ANKFY1: variants seen among roughly 807,000 people sequenced by gnomAD.
ANKFY1 encodes the protein ankyrin repeat and FYVE domain-containing protein 1.
Under a neutral mutation model 128.3 loss-of-function variants are expected in ANKFY1, and 47 were observed. That is an observed-to-expected ratio of 0.37 (90% confidence interval 0.29 to 0.47). ANKFY1 has a LOEUF of 0.47. Ranked by LOEUF, ANKFY1 falls within the 20% of genes least tolerant of loss-of-function variation. ANKFY1 has a pLI of 1.00. For missense variants in ANKFY1, 1,222 were observed against 1,510.6 expected (o/e 0.81, Z 3.17); for synonymous variants, 553 against 601.6 (o/e 0.92, Z 1.18).
rs895338421 is a variant in ANKFY1, at chr17:4,167,828, C to T, written c.3461G>A (p.Arg1154Gln). 5 of 1,613,800 alleles carry T rather than the reference C, an allele frequency of 3.1e-6. No individual in the cohort carries two copies. The highest frequency in any genetic ancestry group is 3.4e-6 in the Non-Finnish European group (4 of 1,179,900). ...IIKFDLNKPV[R>Q]VCNICFDVLT... ...TACATCAAAACAAATGTTGCAAACC[C>T]GCACAGGCTTGTTCAGATCAAACTT... The change falls in exon 25 of 25, where the codon CGG (arginine) becomes CAG (glutamine). Residue 1154 changes from arginine to glutamine, a missense_variant. Arg to Gln is a conservative substitution (Grantham distance 43, BLOSUM62 1). Coordinates refer to ENST00000341657, the MANE Select transcript of ANKFY1 (RefSeq NM_001330063.2). This position sits in a 1 kb window ranked among gnomAD's most constrained non-coding sequence, Gnocchi z 4.1.
At chr17:4,179,961 C>T in intron 16 of ANKFY1, 84 bp from the exon 17 acceptor site, 1 of 1,538,946 alleles carries the variant, frequency 6.5e-7, no homozygotes, top group Non-Finnish European at 8.8e-7. Context: ...AAGCAGGAGC[C>T]TCATCCAATC....
At chr17:4,174,671 C>A (rs1220973216) in intron 19 of ANKFY1, among the ~76,000 whole-genome samples, 1 of 152,062 alleles carries the variant, frequency 6.6e-6, no homozygotes, top group Non-Finnish European at 1.5e-5. Context: ...GTTTCACATC[C>A]TTACATGCTT....
chr17:4,186,900 T>C (rs2059621984), intron 11 of ANKFY1: 1 of 1,082,736 alleles, frequency 9.2e-7, no homozygotes. Context: ...CTACCTTAAA[T>C]GTGTAGAAAT....
At chr17:4,201,350 C>T (rs1293539233) in intron 7 of ANKFY1, among the ~76,000 whole-genome samples, 1 of 152,156 alleles carries the variant, frequency 6.6e-6, no homozygotes, top group Non-Finnish European at 1.5e-5. Context: ...TCTTTTTCAA[C>T]ACTTCCCATC....
chr17:4,169,075 G>T lies in ANKFY1; in HGVS notation c.3377+123C>A. The T allele has an allele frequency of 1.2e-6, 1 of 821,164 alleles. No individual in the cohort carries two copies. Among genetic ancestry groups the T allele is most frequent in the Non-Finnish European group, 2.0e-6 (1 of 505,044 alleles). The allele number at this position is 821,164 out of a possible 1,614,324, so 50.9% of individuals were successfully genotyped here. A position where few individuals can be genotyped will look rare whatever the true frequency, so the allele number is the denominator to read the frequency against. On this transcript the variant is annotated intron_variant, in intron 24 of 24. Coordinates refer to ENST00000341657, the MANE Select transcript of ANKFY1 (RefSeq NM_001330063.2). The surrounding 1 kb of genome is among the most constrained non-coding windows in gnomAD (Gnocchi z 5.0). ...GTGTGCTCATCTCATCCCTCCATTT[G>T]GTCAAGGTTTGCCCATCAATGTGCA...
rs750911697 is a variant in ANKFY1, at chr17:4,173,424, G to A, written c.2944C>T (p.His982Tyr). 2 of 1,614,170 alleles carry A rather than the reference G, an allele frequency of 1.2e-6. No homozygotes were observed. Among genetic ancestry groups the A allele is most frequent in the Non-Finnish European group, 8.5e-7 (1 of 1,180,000 alleles). ...ACCCGGATGTTGTTGAGCCGGCCGT[G>A]CATGACAGCAAGATGAAGAGCTGGG... ...GNNALHLAVM[H>Y]GRLNNIRVLL... is the part of the protein sequence containing the mutation. Residue 982 changes from histidine (H) to tyrosine (Y), a missense_variant, in exon 21 of 25, where the codon CAC (histidine) becomes TAC (tyrosine). Transcript: ENST00000341657.
chr17:4,222,309 C>A (rs1222114722), intron 3 of ANKFY1: 5 of 703,530 alleles, frequency 7.1e-6, no homozygotes, highest in Admixed American at 3.9e-5. Flanking sequence ...ACCGGCTGAT[C>A]GGTCTTGATG....
chr17:4,242,245 A>G lies in ANKFY1; in HGVS notation c.203+11T>C. The G allele has an allele frequency of 6.6e-7, 1 of 1,513,318 alleles. No homozygotes were observed. The allele number at this position is 1,513,318 out of a possible 1,614,324, so 93.7% of individuals were successfully genotyped here. On this transcript the variant is annotated intron_variant, in intron 2 of 24. Coordinates refer to ENST00000341657, the MANE Select transcript of ANKFY1 (RefSeq NM_001330063.2). The stretch of plus-strand genomic sequence containing the variant: ...AGCCAAAGGGCCTTCTGTGTCTAGG[A>G]GCTCTCCCACCTGTACTGCTCCTGC...
At chr17:4,208,207 T>C in intron 5 of ANKFY1, 125 bp from the exon 6 acceptor site, 1 of 866,522 alleles carries the variant, frequency 1.2e-6, no homozygotes, top group Non-Finnish European at 1.7e-6. Context: ...TCCCAACTCA[T>C]TTATTTCTCC....
intron 2 of ANKFY1, among the ~76,000 whole-genome samples, chr17:4,236,854 C>A (rs1285155208): frequency 6.6e-6 from 1 of 151,906 alleles, no homozygotes; most frequent in African/African-American, 2.4e-5. Context: ...TAAAAGGAAA[C>A]CCAAGCCAGG....
In ANKFY1 at chr17:4,181,224, G is replaced by A; in HGVS notation, c.2240+30C>T. Reference sequence around the variant, plus strand: ...CAGTTTGCAACAAGCTCACTAAAAAGCTGTGGAGAGATACTGGGGACTCTC... The same window carrying A: ...CAGTTTGCAACAAGCTCACTAAAAAACTGTGGAGAGATACTGGGGACTCTC... On this transcript the variant is annotated intron_variant, in intron 16 of 24. Transcript: ENST00000341657. This position sits in a 1 kb window ranked among gnomAD's most constrained non-coding sequence, Gnocchi z 4.9. The A allele has an allele frequency of 6.4e-7, 1 of 1,568,288 alleles. No homozygotes were observed.
chr17:4,219,843 CAG>C (rs1448283365), intron 3 of ANKFY1, among the ~76,000 whole-genome samples: 1 of 151,560 alleles, frequency 6.6e-6, no homozygotes, highest in Non-Finnish European at 1.5e-5. Flanking sequence ...TTTTTTGAGA[CAG>C]AGTTTTGCTC....
chr17:4,217,222 A>G (rs1056178318), intron 3 of ANKFY1, 104 bp from the exon 4 acceptor site: 11 of 1,301,210 alleles, frequency 8.5e-6, no homozygotes, highest in Non-Finnish European at 1.2e-5. Context: ...ATGACAGTAT[A>G]CCCAACTTAA....
chr17:4,239,967 A>G (rs1247226580), intron 2 of ANKFY1, among the ~76,000 whole-genome samples: 1 of 151,744 alleles, frequency 6.6e-6, no homozygotes, highest in Non-Finnish European at 1.5e-5. Context: ...ACCCCAATTC[A>G]GTCTTTCATC....
intron 1 of ANKFY1, among the ~76,000 whole-genome samples, chr17:4,249,441 A>G (rs770503291): frequency 6.6e-6 from 1 of 152,208 alleles, no homozygotes; most frequent in Admixed American, 6.5e-5. Flanking sequence ...TGTTACATCT[A>G]TAACATATAA....
chr17:4,251,809 TG>T (rs1369237102), intron 1 of ANKFY1, among the ~76,000 whole-genome samples: 1 of 151,956 alleles, frequency 6.6e-6, no homozygotes, highest in African/African-American at 2.4e-5. Context: ...CCAAGGTGGA[TG>T]GATCACTTGA....
intron 1 of ANKFY1, among the ~76,000 whole-genome samples, chr17:4,256,224 C>T (rs1021677281): frequency 6.6e-6 from 1 of 151,928 alleles, no homozygotes; most frequent in South Asian, 2.1e-4. Flanking sequence ...CTGAGGAGAT[C>T]GAGACCATCC....
intron 5 of ANKFY1, among the ~76,000 whole-genome samples, chr17:4,209,250 T>C (rs745857627): frequency 1.1e-4 from 16 of 152,180 alleles, no homozygotes; most frequent in Non-Finnish European, 7.4e-5. Flanking sequence ...CTTCCACAGA[T>C]GGAGGGTGAA....
intron 10 of ANKFY1, among the ~76,000 whole-genome samples, chr17:4,189,868 C>A (rs1165333238): frequency 6.7e-6 from 1 of 149,630 alleles, no homozygotes; most frequent in African/African-American, 2.6e-5. Flanking sequence ...CTAGGGAATG[C>A]CCCAGGCTGG....
Sources: allele counts gnomAD v4.1 joint callset (sites outside exome capture counted in the v4.1 genomes callset), GRCh38; gene constraint gnomAD v4.1.1; non-coding constraint Gnocchi (gnomAD v3.1); transcripts MANE v1.5; gene names NCBI Gene and HGNC (gene_info 2026-07-23, HGNC 2026-07-21).